The following ARHGAP15 variants were observed in gnomAD, a reference collection of about 807,000 sequenced individuals.
ARHGAP15 encodes Rho GTPase activating protein 15.
A neutral mutation model predicts 63.7 loss-of-function variants in ARHGAP15; 51 were observed. That is an observed-to-expected ratio of 0.80 (90% CI 0.64 to 1.01). The LOEUF (loss-of-function observed/expected upper bound fraction) is 1.01. ARHGAP15 is among the 50% of genes least tolerant of loss of function. The probability of loss-of-function intolerance (pLI) is 0.00; values close to 1 mark genes in which losing one functional copy is unlikely to be tolerated. For synonymous variants in ARHGAP15, 191 were observed against 193.8 expected (o/e 0.99, Z 0.12); for missense variants, 560 against 564.6 (o/e 0.99, Z 0.08).
intron 1 of ARHGAP15, among the ~76,000 whole-genome samples, chr2:143,153,843 T>TCTTCCTCTTCC (rs1558779622): frequency 1.2e-5 from 1 of 86,868 alleles, no homozygotes; most frequent in African/African-American, 4.8e-5. Context: ...CTTCTTCTTC[T>TCTTCCTCTTCC]TCCTCCTCCT....
chr2:143,714,681 C>A (rs893201834), intron 13 of ARHGAP15, among the ~76,000 whole-genome samples: 1 of 152,210 alleles, frequency 6.6e-6, no homozygotes, highest in African/African-American at 2.4e-5. Context: ...CCACCAGATA[C>A]CCTAAATCAT....
chr2:143,183,720 T>C (rs1350001293), intron 2 of ARHGAP15, among the ~76,000 whole-genome samples: 4 of 133,478 alleles, frequency 3.0e-5, no homozygotes, highest in Non-Finnish European at 6.6e-5. Flanking sequence ...TATTTTTCTT[T>C]TCTTTTTTTT....
chr2:143,278,868 C>CTTTTTTTTT (rs965265275), intron 6 of ARHGAP15, among the ~76,000 whole-genome samples: 1 of 135,342 alleles, frequency 7.4e-6, no homozygotes. Flanking sequence ...TTCTTTCTTT[C>CTTTTTTTTT]TTTTTTTTTT....
intron 10 of ARHGAP15, among the ~76,000 whole-genome samples, chr2:143,543,869 TTAGATGG>T (rs1695212455): frequency 6.6e-6 from 1 of 152,096 alleles, no homozygotes; most frequent in Non-Finnish European, 1.5e-5. Context: ...TACTTCTTTG[TTAGATGG>T]TTAACAGCCC....
At chr2:143,612,428 C>T (rs1305539529) in intron 11 of ARHGAP15, among the ~76,000 whole-genome samples, 1 of 152,196 alleles carries the variant, frequency 6.6e-6, no homozygotes, top group African/African-American at 2.4e-5. Flanking sequence ...CTTAAATGTC[C>T]TGTGTGTGAT....
chr2:143,422,329 T>C (rs1688958093), intron 6 of ARHGAP15, among the ~76,000 whole-genome samples: 1 of 152,132 alleles, frequency 6.6e-6, no homozygotes, highest in Admixed American at 6.6e-5. Context: ...CTGATGATCT[T>C]TAGATATCAT....
chr2:143,224,222 G>C (rs1451397768), intron 4 of ARHGAP15, among the ~76,000 whole-genome samples: 2 of 152,122 alleles, frequency 1.3e-5, no homozygotes, highest in Non-Finnish European at 2.9e-5. Context: ...TATATCAGAA[G>C]TGTTCGATAG....
At chr2:143,512,158 GT>G (rs1693618094) in intron 9 of ARHGAP15, among the ~76,000 whole-genome samples, 3 of 152,304 alleles carry the variant, frequency 2.0e-5, no homozygotes, top group South Asian at 4.1e-4. Flanking sequence ...ACTCAGCTCT[GT>G]TTTCCACTCT....
At chr2:143,350,729 C>T (rs1685525650) in intron 6 of ARHGAP15, among the ~76,000 whole-genome samples, 1 of 144,196 alleles carries the variant, frequency 6.9e-6, no homozygotes. Context: ...GTCCCAACTA[C>T]TCAGAAGGCT....
chr2:143,535,765 CAG>C (rs1167347541), intron 10 of ARHGAP15, among the ~76,000 whole-genome samples: 2 of 152,114 alleles, frequency 1.3e-5, no homozygotes, highest in Non-Finnish European at 2.9e-5. Context: ...CTGGAGGAAA[CAG>C]GGAAATTAAG....
chr2:143,446,194 A>G (rs1690129433), intron 8 of ARHGAP15, among the ~76,000 whole-genome samples: 2 of 150,158 alleles, frequency 1.3e-5, no homozygotes, highest in Admixed American at 1.3e-4. Flanking sequence ...TTGATTATCT[A>G]AAAAGATTAT....
intron 5 of ARHGAP15, among the ~76,000 whole-genome samples, chr2:143,244,493 A>G (rs1280108799): frequency 6.6e-6 from 1 of 152,212 alleles, no homozygotes; most frequent in East Asian, 1.9e-4. Flanking sequence ...AGAGAGATAA[A>G]TGTATTTCAG....
At chr2:143,133,317 T>C (rs1462277879) in intron 1 of ARHGAP15, among the ~76,000 whole-genome samples, 1 of 152,146 alleles carries the variant, frequency 6.6e-6, no homozygotes, top group Non-Finnish European at 1.5e-5. Context: ...AGAAGTATAG[T>C]AATAAGAGGT....
intron 4 of ARHGAP15, among the ~76,000 whole-genome samples, 155 bp from the exon 5 acceptor site, chr2:143,228,426 A>G (rs1693302736): frequency 6.6e-6 from 1 of 152,176 alleles, no homozygotes; most frequent in South Asian, 2.1e-4. Flanking sequence ...CCCAAATTCC[A>G]TACCACTTAT....
At chr2:143,157,306 C>T (rs1690120239) in intron 2 of ARHGAP15, among the ~76,000 whole-genome samples, 1 of 151,876 alleles carries the variant, frequency 6.6e-6, no homozygotes, top group Non-Finnish European at 1.5e-5. Flanking sequence ...AGGATTAACC[C>T]TCTTAAAACT....
chr2:143,413,971 G>GCGCGCGCGCGCGCGCACT (rs147891307), intron 6 of ARHGAP15, among the ~76,000 whole-genome samples: 1 of 147,732 alleles, frequency 6.8e-6, no homozygotes, highest in Admixed American at 6.8e-5. Context: ...GTGTGTGCGC[G>GCGCGCGCGCGCGCGCACT]CTCTCTGGCA....
intron 12 of ARHGAP15, among the ~76,000 whole-genome samples, chr2:143,675,113 CCA>C (rs1391726714): frequency 6.6e-6 from 1 of 152,206 alleles, no homozygotes; most frequent in Non-Finnish European, 1.5e-5. Context: ...GTTGTTATTT[CCA>C]CAGTTTTCAC....
intron 11 of ARHGAP15, among the ~76,000 whole-genome samples, chr2:143,604,624 T>G (rs1697911451): frequency 6.6e-6 from 1 of 152,182 alleles, no homozygotes; most frequent in Admixed American, 6.5e-5. Flanking sequence ...AGATGCAGCT[T>G]CAGTACCTTA....
chr2:143,335,288 A>G (rs1684722523), intron 6 of ARHGAP15, among the ~76,000 whole-genome samples: 2 of 152,214 alleles, frequency 1.3e-5, no homozygotes, highest in Non-Finnish European at 2.9e-5. Context: ...CAACTTTCTA[A>G]ATTAAAAATG....
Sources: allele counts gnomAD v4.1 joint callset (sites outside exome capture counted in the v4.1 genomes callset), GRCh38; gene constraint gnomAD v4.1.1; transcripts MANE v1.5; gene names NCBI Gene and HGNC (gene_info 2026-07-23, HGNC 2026-07-21).